The following AACS variants were observed in gnomAD, a reference collection of about 807,000 sequenced individuals.
AACS encodes acetoacetyl-CoA synthetase.
AACS carries 69 observed loss-of-function variants against 83.1 expected under a neutral mutation model. The ratio of observed to expected loss-of-function variants is 0.83; its 90% CI spans 0.68 to 1.01. The LOEUF is 1.01. AACS is among the 50% of genes least tolerant of loss of function. The probability of loss-of-function intolerance (pLI) is 0.00; values close to 1 mark genes in which losing one functional copy is unlikely to be tolerated. For missense variants in AACS, 866 were observed against 882.2 expected, an observed-to-expected ratio of 0.98 and a Z score of 0.23; for synonymous variants, 333 against 343.4, an observed-to-expected ratio of 0.97 and a Z score of 0.33.
At chr12:125,084,392 C>A (rs1956278559) in intron 3 of AACS, among the ~76,000 whole-genome samples, 1 of 151,184 alleles carries the variant, frequency 6.6e-6, no homozygotes, top group African/African-American at 2.4e-5. Context: ...CCCTCCTTTC[C>A]TTCTTTCCTT....
intron 17 of AACS, chr12:125,138,597 A>G (rs1297132664): frequency 6.6e-6 from 1 of 152,160 alleles, no homozygotes; most frequent in East Asian, 1.9e-4. Flanking sequence ...TGATCACGAG[A>G]GTAGTGGAAC....
intron 14 of AACS, among the ~76,000 whole-genome samples, chr12:125,131,480 G>A (rs1010413510): frequency 6.6e-6 from 1 of 152,090 alleles, no homozygotes; most frequent in Non-Finnish European, 1.5e-5. Context: ...CTCAAGTGCC[G>A]GGATTACTAG....
At chr12:125,139,801 T>A (rs1957453814) in intron 17 of AACS, 1 of 152,294 alleles carries the variant, frequency 6.6e-6, no homozygotes, top group Non-Finnish European at 1.5e-5. Flanking sequence ...AGTGGAGGCC[T>A]CTTGAGGACA....
At chr12:125,068,338 A>G (rs1371634289) in intron 1 of AACS, among the ~76,000 whole-genome samples, 4 of 152,156 alleles carry the variant, frequency 2.6e-5, no homozygotes, top group African/African-American at 9.7e-5. Flanking sequence ...ATGCGCCTGT[A>G]GTCCCAGCTA....
At chr12:125,066,107 C>T (rs1043939331) in intron 1 of AACS, among the ~76,000 whole-genome samples, 15 of 152,184 alleles carry the variant, frequency 9.9e-5, no homozygotes, top group Admixed American at 9.2e-4. Context: ...GCAGCTCTTC[C>T]TCTGTTTGTG....
At chr12:125,077,391 T>G (rs532422795) in intron 3 of AACS, among the ~76,000 whole-genome samples, 111 of 151,562 alleles carry the variant, frequency 7.3e-4, no homozygotes, top group African/African-American at 2.6e-3. Context: ...GCGCCTGTAG[T>G]CCCAGCTACT....
chr12:125,094,245 A>C lies in AACS; in HGVS notation c.570+2722A>C, dbSNP rs1363661635. The stretch of plus-strand genomic sequence containing the variant: ...TTTAATTTCCATCATCACCATGTTA[A>C]ACTTCAGACTGTGCCCCATTTTCAG... On this transcript the variant is annotated intron_variant, in intron 5 of 17. Transcript: ENST00000316519. This position sits in a 1 kb window ranked among gnomAD's most constrained non-coding sequence, Gnocchi z 4.1. Among the ~76,000 whole-genome samples the C allele has an allele frequency of 6.6e-6, 1 of 152,246 alleles. No individual in the cohort carries two copies. Among genetic ancestry groups the C allele is most frequent in the Non-Finnish European group, 1.5e-5 (1 of 68,048 alleles).
At chr12:125,114,934 C>G (rs2136111317) in intron 9 of AACS, among the ~76,000 whole-genome samples, 1 of 152,210 alleles carries the variant, frequency 6.6e-6, no homozygotes, top group East Asian at 1.9e-4. Context: ...GTAAGGGCTT[C>G]CCCGGGCGCC....
intron 12 of AACS, 27 bp downstream of exon 12, chr12:125,125,051 C>T (rs571126792): frequency 2.5e-6 from 4 of 1,612,736 alleles, no homozygotes; most frequent in South Asian, 1.1e-5. Context: ...GACAGTCCTT[C>T]CAGCCATCCC....
In AACS at chr12:125,097,358, AG is replaced by A. The variant is rs999922493; in HGVS notation, c.571-5317del. On this transcript the variant is annotated intron_variant, in intron 5 of 17. Transcript: ENST00000316519. This position sits in a 1 kb window ranked among gnomAD's most constrained non-coding sequence, Gnocchi z 4.3. ...ACCGAAGGCCTGATGTCCTGAGGCC[AG>A]GGGCCAAGTCCCTGTTACCTGTATG... 5.3e-5 allele frequency among the ~76,000 whole-genome samples: 8 copies of A among 151,806 alleles called. No homozygotes were observed. Among genetic ancestry groups the A allele is most frequent in the Non-Finnish European group, 8.8e-5 (6 of 67,984 alleles).
At chr12:125,081,564 A>G (rs915704200) in intron 3 of AACS, among the ~76,000 whole-genome samples, 1 of 152,094 alleles carries the variant, frequency 6.6e-6, no homozygotes, top group Non-Finnish European at 1.5e-5. Context: ...CATCTCTCCT[A>G]TGGGTAATCC....
At chr12:125,124,466 C>T (rs183532731) in intron 10 of AACS, 28 of 556,028 alleles carry the variant, frequency 5.0e-5, no homozygotes, top group Admixed American at 2.2e-4. Context: ...TGTGACGCCT[C>T]GTGGTAAAGG....
At chr12:125,110,472 G>C (rs1187703148) in intron 8 of AACS, among the ~76,000 whole-genome samples, 1 of 152,156 alleles carries the variant, frequency 6.6e-6, no homozygotes, top group African/African-American at 2.4e-5. Context: ...CTTGCACTCA[G>C]ACTTCTCCTG....
At chr12:125,120,824 G>C (rs1957141467) in intron 10 of AACS, 1 of 152,330 alleles carries the variant, frequency 6.6e-6, no homozygotes, top group East Asian at 1.9e-4. Flanking sequence ...GCGTGATCTT[G>C]TGAAAGGGAG....
chr12:125,131,681 G>A (rs983956298), intron 14 of AACS, among the ~76,000 whole-genome samples: 1 of 151,906 alleles, frequency 6.6e-6, no homozygotes, highest in African/African-American at 2.4e-5. Context: ...GCCCAGGCTG[G>A]GGTGCAGTGG....
At chr12:125,117,800 A>G (rs1957082120) in intron 9 of AACS, 1 of 152,084 alleles carries the variant, frequency 6.6e-6, no homozygotes, top group Non-Finnish European at 1.5e-5. Context: ...AGCCTGGACA[A>G]CAAAGTGAGA....
intron 10 of AACS, among the ~76,000 whole-genome samples, chr12:125,119,122 T>C (rs947677827): frequency 6.6e-6 from 1 of 152,240 alleles, no homozygotes; most frequent in African/African-American, 2.4e-5. Context: ...GGTATTTTGC[T>C]GTGTATACGT....
intron 8 of AACS, 76 bp from the exon 9 acceptor site, chr12:125,114,401 C>G: frequency 8.1e-7 from 1 of 1,228,176 alleles, no homozygotes; most frequent in South Asian, 1.3e-5. Context: ...GTCTGAGCAG[C>G]GCGTGGGCCA....
chr12:125,071,594 C>A (rs1394268228), intron 1 of AACS, among the ~76,000 whole-genome samples: 1 of 152,208 alleles, frequency 6.6e-6, no homozygotes, highest in Non-Finnish European at 1.5e-5. Flanking sequence ...TGAATCAGAC[C>A]TGGGCTTGCG....
Sources: allele counts gnomAD v4.1 joint callset (sites outside exome capture counted in the v4.1 genomes callset), GRCh38; gene constraint gnomAD v4.1.1; non-coding constraint Gnocchi (gnomAD v3.1); transcripts MANE v1.5; gene names NCBI Gene and HGNC (gene_info 2026-07-23, HGNC 2026-07-21).